CBLB: variants seen among roughly 807,000 people sequenced by gnomAD.
The protein encoded by CBLB is Cbl proto-oncogene B.
In CBLB, 31 loss-of-function variants were observed where a neutral mutation model predicts 104.9. The observed-to-expected ratio is 0.30, with a 90% CI of 0.22 to 0.40. The LOEUF (loss-of-function observed/expected upper bound fraction) is 0.40. Among genes scored for constraint, CBLB ranks in the 10% least tolerant of loss-of-function variants. The pLI is 1.00. For synonymous variants in CBLB, 440 were observed against 422.6 expected, an observed-to-expected ratio of 1.04 and a Z score of -0.51; for missense variants, 1,062 against 1,214.6, an observed-to-expected ratio of 0.87 and a Z score of 1.87.
intron 3 of CBLB, among the ~76,000 whole-genome samples, chr3:105,778,736 C>T (rs2079785863): frequency 6.6e-6 from 1 of 152,084 alleles, no homozygotes; most frequent in African/African-American, 2.4e-5. Flanking sequence ...GCCACTTTTG[C>T]ACAACTCATC....
chr3:105,793,351 G>A (rs1213502550), intron 3 of CBLB, among the ~76,000 whole-genome samples: 1 of 152,060 alleles, frequency 6.6e-6, no homozygotes, highest in Non-Finnish European at 1.5e-5. Flanking sequence ...TAAGCCAAGG[G>A]TAAAATGAAC....
At chr3:105,720,400 G>A (rs2072628058) in intron 9 of CBLB, 150 bp from the exon 10 acceptor site, 1 of 672,376 alleles carries the variant, frequency 1.5e-6, no homozygotes. Context: ...AGTGGTAGTG[G>A]GTATAGAACA....
In CBLB at chr3:105,670,597, G is replaced by A; in HGVS notation, c.2570-245C>T. 3.1e-5 allele frequency: 14 copies of A among 447,358 alleles called. 1 individual carries two copies. In the South Asian group the frequency reaches 3.5e-4, roughly 11 times the overall value. The allele number at this position is 447,358 out of a possible 1,614,324, so 27.7% of individuals were successfully genotyped here. The stretch of plus-strand genomic sequence containing the variant: ...ACTACTTGTTTTATATTTATATTTT[G>A]CAGATATATTTAATTATAAGATTGT... On this transcript the variant is annotated intron_variant, in intron 17 of 18. Coordinates refer to ENST00000394030, the MANE Select transcript of CBLB (RefSeq NM_170662.5).
chr3:105,723,240 T>C (rs1379733756), intron 9 of CBLB, among the ~76,000 whole-genome samples: 1 of 152,160 alleles, frequency 6.6e-6, no homozygotes, highest in Non-Finnish European at 1.5e-5. Context: ...ATACAATAAT[T>C]AAAATAATGT....
intron 3 of CBLB, among the ~76,000 whole-genome samples, chr3:105,793,989 T>C (rs1240084952): frequency 6.6e-6 from 1 of 152,148 alleles, no homozygotes; most frequent in Non-Finnish European, 1.5e-5. Flanking sequence ...AACTTGCAAA[T>C]AGAGTTTATA....
chr3:105,711,468 T>C (rs2071067371), intron 10 of CBLB, among the ~76,000 whole-genome samples: 1 of 152,060 alleles, frequency 6.6e-6, no homozygotes, highest in African/African-American at 2.4e-5. Context: ...TACAGAATAT[T>C]ATTCAGAGAG....
At chr3:105,719,046 T>G (rs574120650) in intron 10 of CBLB, among the ~76,000 whole-genome samples, 1 of 152,202 alleles carries the variant, frequency 6.6e-6, no homozygotes, top group Non-Finnish European at 1.5e-5. Context: ...CAAGGTCAAT[T>G]TTTGTGAGTC....
Position 105,670,230 on chromosome 3 carries a change from CA to C in CBLB, c.2689+2del. On this transcript the variant is annotated splice_donor_variant, in intron 18 of 18. Coordinates refer to ENST00000394030, the MANE Select transcript of CBLB (RefSeq NM_170662.5). LOFTEE classifies it high-confidence loss of function. ...TTATTGTTACTGTTACTAGCCAACT[CA>C]CCTGAACATGAAGGAAGCTGATCAT... 3 of 1,612,928 alleles carry C rather than the reference CA, an allele frequency of 1.9e-6. No individual in the cohort carries two copies. Among genetic ancestry groups the C allele is most frequent in the South Asian group, 2.2e-5 (2 of 91,054 alleles).
intron 3 of CBLB, among the ~76,000 whole-genome samples, chr3:105,839,753 G>A (rs1577716030): frequency 6.6e-6 from 1 of 152,230 alleles, no homozygotes; most frequent in East Asian, 1.9e-4. Context: ...CCTGGATTAG[G>A]CTCACAGTCT....
intron 3 of CBLB, among the ~76,000 whole-genome samples, chr3:105,809,677 C>A (rs960463340): frequency 7.2e-5 from 11 of 152,122 alleles, no homozygotes; most frequent in South Asian, 2.1e-4. Context: ...TATGTATAAA[C>A]CCCAAGCTGC....
chr3:105,699,004 T>C (rs2068748419), intron 12 of CBLB, among the ~76,000 whole-genome samples: 1 of 152,040 alleles, frequency 6.6e-6, no homozygotes, highest in Non-Finnish European at 1.5e-5. Flanking sequence ...ACCTTTTCTC[T>C]CCTGGCCTAC....
chr3:105,702,648 A>G (rs892442944), intron 11 of CBLB, among the ~76,000 whole-genome samples, 189 bp from the exon 12 acceptor site: 1 of 152,128 alleles, frequency 6.6e-6, no homozygotes, highest in East Asian at 1.9e-4. Flanking sequence ...AAATGAGAAT[A>G]AAAAACTCAT....
At chr3:105,684,655 C>T (rs1014346156) in intron 14 of CBLB, among the ~76,000 whole-genome samples, 3 of 151,884 alleles carry the variant, frequency 2.0e-5, no homozygotes, top group East Asian at 3.9e-4. Flanking sequence ...CGGGTTCAAG[C>T]GATTCTCCTG....
intron 12 of CBLB, among the ~76,000 whole-genome samples, chr3:105,698,390 C>T (rs945661129): frequency 6.6e-6 from 1 of 151,900 alleles, no homozygotes; most frequent in African/African-American, 2.4e-5. Context: ...GACATAATGA[C>T]AGGACGAGTA....
chr3:105,780,272 G>A (rs1052869237), intron 3 of CBLB, among the ~76,000 whole-genome samples: 1 of 152,018 alleles, frequency 6.6e-6, no homozygotes, highest in Non-Finnish European at 1.5e-5. Context: ...CATCTTTGTA[G>A]ATGGAATTTT....
chr3:105,866,556 A>T (rs1276352567), intron 2 of CBLB, among the ~76,000 whole-genome samples: 6 of 152,242 alleles, frequency 3.9e-5, no homozygotes, highest in African/African-American at 1.4e-4. Context: ...CTTCAAAAAA[A>T]AGAATTATTA....
chr3:105,784,897 T>A (rs1369261540), intron 3 of CBLB, among the ~76,000 whole-genome samples: 2 of 152,222 alleles, frequency 1.3e-5, no homozygotes, highest in African/African-American at 4.8e-5. Flanking sequence ...CTGCTTTCCG[T>A]GAGTTAAGCC....
At chr3:105,842,165 G>C (rs958862213) in intron 3 of CBLB, among the ~76,000 whole-genome samples, 1 of 152,134 alleles carries the variant, frequency 6.6e-6, no homozygotes, top group Non-Finnish European at 1.5e-5. Context: ...GCACATGCAG[G>C]TGTCTCCTGC....
chr3:105,784,300 G>A (rs1227895566), intron 3 of CBLB, among the ~76,000 whole-genome samples: 1 of 152,088 alleles, frequency 6.6e-6, no homozygotes, highest in Non-Finnish European at 1.5e-5. Context: ...TGAAAGTTCT[G>A]TAAACACAAT....
Sources: allele counts gnomAD v4.1 joint callset (sites outside exome capture counted in the v4.1 genomes callset), GRCh38; gene constraint gnomAD v4.1.1; transcripts MANE v1.5; gene names NCBI Gene and HGNC (gene_info 2026-07-23, HGNC 2026-07-21).